NPHP1: variants seen among roughly 807,000 people sequenced by gnomAD.
NPHP1 encodes the protein nephrocystin-1.
In NPHP1, 70 loss-of-function variants were observed where a neutral mutation model predicts 90.4. The observed-to-expected ratio is 0.77, with a 90% CI of 0.64 to 0.95. NPHP1 has a LOEUF of 0.95. NPHP1 is among the 40% of genes least tolerant of loss of function. The pLI is 0.00. For missense variants in NPHP1, 764 were observed against 795.9 expected, an observed-to-expected ratio of 0.96 and a Z score of 0.48; for synonymous variants, 256 against 271.7, an observed-to-expected ratio of 0.94 and a Z score of 0.57.
intron 4 of NPHP1, 50 bp downstream of exon 4, chr2:110,178,373 T>C (rs373837900): frequency 1.2e-5 from 18 of 1,538,672 alleles, no homozygotes; most frequent in Non-Finnish European, 1.6e-5. Flanking sequence ...TTAAAGCTAT[T>C]GGTGATATAT....
At chr2:110,158,420 C>A (rs184619404) in intron 11 of NPHP1, among the ~76,000 whole-genome samples, 10 of 152,040 alleles carry the variant, frequency 6.6e-5, no homozygotes, top group Admixed American at 5.9e-4. Flanking sequence ...TAATAGAGGC[C>A]CCAACTATAA....
At chr2:110,191,165 G>A (rs1242276934) in intron 2 of NPHP1, among the ~76,000 whole-genome samples, 1 of 152,100 alleles carries the variant, frequency 6.6e-6, no homozygotes, top group Non-Finnish European at 1.5e-5. Flanking sequence ...CAGACAGTGG[G>A]TGCAGGAAAG....
intron 3 of NPHP1, 38 bp downstream of exon 3, chr2:110,179,586 A>C: frequency 1.1e-5 from 10 of 944,592 alleles, no homozygotes; most frequent in Non-Finnish European, 1.4e-5. Flanking sequence ...TTGTATAGGA[A>C]GAGATGTTTT....
chr2:110,183,767 A>G (rs898237164), intron 2 of NPHP1, among the ~76,000 whole-genome samples: 1 of 152,168 alleles, frequency 6.6e-6, no homozygotes, highest in East Asian at 1.9e-4. Context: ...ATTGATAAAG[A>G]TATTCAGGAC....
chr2:110,160,204 T>C lies in NPHP1; in HGVS notation c.1006A>G (p.Lys336Glu). The change falls in exon 11 of 20, where the codon AAA (lysine) becomes GAA (glutamate). Residue 336 changes from lysine (K) to glutamate (E), a missense_variant. By Grantham distance (56) the Lys-to-Glu change is moderately conservative (BLOSUM62 1). Transcript: ENST00000445609. ...ISLILTLWSC[K>E]MIPLPGMSIQ... ...CTCATTCCTGGAAGAGGAATCATTT[T>C]ACAGCTCCATAATGTCAGAATCAAT... is the stretch of plus-strand genomic sequence containing the variant. 5.0e-6 allele frequency: 8 copies of C among 1,611,818 alleles called. No homozygotes were observed. The highest frequency in any genetic ancestry group is 2.2e-5 in the South Asian group (2 of 91,050).
chr2:110,167,826 TTGAATTGC>T (rs1358205781), intron 6 of NPHP1, among the ~76,000 whole-genome samples: 5 of 152,088 alleles, frequency 3.3e-5, no homozygotes, highest in African/African-American at 1.2e-4. Context: ...CAGAATCGAA[TTGAATTGC>T]TGACACCGGT....
In NPHP1 at chr2:110,145,695, C is replaced by T. The variant is rs113070959; in HGVS notation, c.1352+1058G>A. Among the ~76,000 whole-genome samples, 66 of 152,228 alleles carry T rather than the reference C, an allele frequency of 4.3e-4. 1 individual carries two copies. The highest frequency in any genetic ancestry group is 1.5e-3 in the African/African-American group (61 of 41,542). On this transcript the variant is annotated intron_variant, in intron 14 of 19. Transcript: ENST00000445609. ...CTGAAAATGTGTCTATATTAATACA[C>T]AGAGCTCTACCTCATTTAAAAAAAT...
intron 11 of NPHP1, among the ~76,000 whole-genome samples, chr2:110,152,448 T>C (rs1053245275): frequency 2.6e-5 from 4 of 151,540 alleles, no homozygotes; most frequent in Admixed American, 6.6e-5. Context: ...AAATAGAAGA[T>C]AGAAGAGTAA....
chr2:110,164,592 A>G, intron 8 of NPHP1, 96 bp downstream of exon 8: 1 of 1,608,752 alleles, frequency 6.2e-7, no homozygotes, highest in Non-Finnish European at 8.5e-7. Flanking sequence ...ACCCTGTTTC[A>G]GATCCATTGG....
rs185783442 is a variant in NPHP1, at chr2:110,175,427, C to T, written c.329+2996G>A. ...GACAAATTTTCTCAGCTTTTGTTTG[C>T]CTGAAAATGTCTTTATTTCACTTTA... On this transcript the variant is annotated intron_variant, in intron 4 of 19. Transcript: ENST00000445609. Among the ~76,000 whole-genome samples, 32 of 152,174 alleles carry T rather than the reference C, an allele frequency of 2.1e-4. No individual in the cohort carries two copies. The Middle Eastern group carries it at 0.02, about 97-fold the overall frequency.
At chr2:110,138,262 G>T (rs1368947246) in intron 16 of NPHP1, among the ~76,000 whole-genome samples, 2 of 151,842 alleles carry the variant, frequency 1.3e-5, no homozygotes. Flanking sequence ...CATGGCACAT[G>T]TATACATATG....
chr2:110,188,955 T>C (rs1243937176), intron 2 of NPHP1, among the ~76,000 whole-genome samples: 2 of 152,108 alleles, frequency 1.3e-5, no homozygotes, highest in Non-Finnish European at 2.9e-5. Flanking sequence ...CGCAGAAAAT[T>C]GAAACTAGAA....
At chr2:110,155,182 T>G (rs921102504) in intron 11 of NPHP1, among the ~76,000 whole-genome samples, 2 of 152,184 alleles carry the variant, frequency 1.3e-5, no homozygotes, top group African/African-American at 4.8e-5. Flanking sequence ...TCTTGGCAGC[T>G]TCCATGTGGT....
At chr2:110,178,797 C>T (rs1683685560) in intron 3 of NPHP1, 1 of 431,536 alleles carries the variant, frequency 2.3e-6, no homozygotes, top group Admixed American at 4.0e-5. Flanking sequence ...GTATTATAGA[C>T]CTTCCATAGT....
At chr2:110,161,847 A>G in intron 9 of NPHP1, 150 bp from the exon 10 acceptor site, 2 of 614,546 alleles carry the variant, frequency 3.3e-6, no homozygotes, top group South Asian at 3.8e-5. Flanking sequence ...AAGCGCCAAT[A>G]TAGATTTATG....
chr2:110,169,996 A>C lies in NPHP1; in HGVS notation c.332T>G (p.Val111Gly). ...TTCCTCTTCTTCAGTAGGTGCCCCA[A>C]CTCTACAAAAAGTGTTTCTGAGTAG... ...VTISRENITE[V>G]GAPTEEEEES... The change falls in exon 5 of 20, where the codon GTT becomes GGT. Residue 111 changes from valine to glycine, a missense_variant and splice_region_variant. Transcript: ENST00000445609. 2 of 1,612,992 alleles carry C rather than the reference A, an allele frequency of 1.2e-6. No homozygotes were observed. Among genetic ancestry groups the C allele is most frequent in the African/African-American group, 1.3e-5 (1 of 74,976 alleles).
chr2:110,136,385 C>T (rs1385776017), intron 16 of NPHP1, among the ~76,000 whole-genome samples: 2 of 152,090 alleles, frequency 1.3e-5, no homozygotes, highest in Non-Finnish European at 2.9e-5. Flanking sequence ...GTCAAATTGT[C>T]CCTGTTTGCA....
chr2:110,169,123 CACTT>C (rs1682928783), intron 5 of NPHP1, among the ~76,000 whole-genome samples: 1 of 151,632 alleles, frequency 6.6e-6, no homozygotes, highest in Admixed American at 6.6e-5. Flanking sequence ...CAAAAGCAAA[CACTT>C]AATTAAAATA....
intron 2 of NPHP1, chr2:110,184,367 G>A: frequency 1.6e-6 from 1 of 612,274 alleles, no homozygotes; most frequent in South Asian, 1.7e-5. Flanking sequence ...CTTTCTCAGA[G>A]GAGCATCTCG....
Sources: gnomAD v4.1 joint callset for allele counts (sites outside exome capture counted in the v4.1 genomes callset) on GRCh38, gnomAD v4.1.1 for gene constraint, MANE v1.5 for transcripts, NCBI Gene and HGNC (gene_info 2026-07-23, HGNC 2026-07-21) for gene names.